The following GPR6 variants were observed in gnomAD, a reference collection of about 807,000 sequenced individuals.
GPR6 encodes the protein sphingosine 1-phosphate receptor GPR6.
In GPR6, 14 loss-of-function variants were observed where a neutral mutation model predicts 18.5. That is an observed-to-expected ratio of 0.76 (90% confidence interval 0.50 to 1.18). The LOEUF is 1.18. Among genes scored for constraint, GPR6 ranks in the 50% most tolerant of loss-of-function variants. The pLI, the probability that GPR6 is intolerant of heterozygous loss-of-function variation, is 0.00. For synonymous variants in GPR6, 299 were observed against 240.9 expected, an observed-to-expected ratio of 1.24 and a Z score of -2.23; for missense variants, 477 against 495.9, an observed-to-expected ratio of 0.96 and a Z score of 0.36.
rs1267048720 is a variant in GPR6, at chr6:109,979,990, T to C, written c.878T>C (p.Leu293Pro). 2 of 1,613,216 alleles carry C rather than the reference T, an allele frequency of 1.2e-6. No individual in the cohort carries two copies. Among genetic ancestry groups the C allele is most frequent in the Non-Finnish European group, 1.7e-6 (2 of 1,180,036 alleles). The stretch of plus-strand genomic sequence containing the variant: ...CTGGGCACTTTCGGCGCCAGCTGGC[T>C]GCCCTTCGCCATCTATTGCGTGGTG... Reference protein sequence around the residue: ...VVLGTFGASWLPFAIYCVVGS... With the variant: ...VVLGTFGASWPPFAIYCVVGS... The change falls in exon 2 of 2, where the codon CTG becomes CCG. Residue 293 changes from leucine to proline, a missense_variant. Coordinates refer to ENST00000275169, the MANE Select transcript of GPR6 (RefSeq NM_005284.5).
At chr6:109,978,735 T>C in intron 1 of GPR6, 2 of 1,535,508 alleles carry the variant, frequency 1.3e-6, no homozygotes, top group Non-Finnish European at 1.7e-6. Context: ...CATGGGGATG[T>C]CCTGGTCGCG....
Position 109,980,413 on chromosome 6 carries a change from C to T in GPR6, c.*212C>T. 2 of 620,478 alleles carry T rather than the reference C, an allele frequency of 3.2e-6. No individual in the cohort carries two copies. Among genetic ancestry groups the T allele is most frequent in the Non-Finnish European group, 5.6e-6 (2 of 360,178 alleles). 38.4% of individuals were successfully genotyped at this position (620,478 alleles called of 1,614,324 possible). A position where few individuals can be genotyped will look rare whatever the true frequency, so the allele number is the denominator to read the frequency against. On this transcript the variant is annotated 3_prime_UTR_variant, in exon 2 of 2. Transcript: ENST00000275169. ...GTGTATACATGTGTACATATATATA[C>T]AAATATTTGTATCTTCTGGAGGTGT...
rs138757671 is a variant in GPR6 at position 109,979,806 on chromosome 6, G to A, written c.694G>A (p.Ala232Thr). Residue 232 changes from alanine to threonine, a missense_variant, in exon 2 of 2, where the codon GCC (alanine) becomes ACC (threonine). Ala to Thr is a moderately conservative substitution (Grantham distance 58). Transcript: ENST00000275169. ...LARSHVALLS[A>T]AFFMVFGIML... The stretch of plus-strand genomic sequence containing the variant: ...GCGCAGCCACGTGGCTCTGCTCTCC[G>A]CCGCCTTCTTCATGGTCTTCGGCAT... The A allele has an allele frequency of 6.5e-5, 104 of 1,601,542 alleles. No individual in the cohort carries two copies. The highest frequency in any genetic ancestry group is 5.5e-4 in the African/African-American group (41 of 74,962).
At chr6:109,978,546 C>T (rs1770995376) in intron 1 of GPR6, 79 bp downstream of exon 1, 1 of 565,498 alleles carries the variant, frequency 1.8e-6, no homozygotes, top group African/African-American at 1.9e-5. Context: ...CAGGTCTTTC[C>T]AGAAGAGGAG....
chr6:109,979,794 G>T lies in GPR6; in HGVS notation c.682G>T (p.Ala228Ser), dbSNP rs372623486. The change falls in exon 2 of 2, where the codon GCT becomes TCT. Residue 228 changes from alanine to serine, a missense_variant. Coordinates refer to ENST00000275169, the MANE Select transcript of GPR6 (RefSeq NM_005284.5). Reference sequence around the variant, plus strand: ...GCGCCCGCTGGCGCGCAGCCACGTGGCTCTGCTCTCCGCCGCCTTCTTCAT... The same window carrying T: ...GCGCCCGCTGGCGCGCAGCCACGTGTCTCTGCTCTCCGCCGCCTTCTTCAT... ...VVRPLARSHV[A>S]LLSAAFFMVF... is the part of the protein sequence containing the mutation. 6.2e-7 allele frequency: 1 copy of T among 1,600,276 alleles called. No homozygotes were observed.
In GPR6 at chr6:109,979,865, G is replaced by T. The variant is rs200156893; in HGVS notation, c.753G>T (p.Val251=). ...ACCTGTACGTGCGCATCTGCCAGGT[G>T]GTCTGGCGCCACGCGCACCAGATCG... ...MLHLYVRICQ[V]VWRHAHQIAL... is the part of the protein sequence containing the mutation. The change falls in exon 2 of 2, where the codon GTG becomes GTT. Residue 251 remains valine (V), a synonymous_variant. Coordinates refer to ENST00000275169, the MANE Select transcript of GPR6 (RefSeq NM_005284.5). The T allele has an allele frequency of 1.3e-5, 21 of 1,609,680 alleles. No individual in the cohort carries two copies. The East Asian group carries it at 4.7e-4, about 36-fold the overall frequency.
chr6:109,979,506 C>T lies in GPR6; in HGVS notation c.394C>T (p.Gln132Ter). The T allele has an allele frequency of 6.2e-7, 1 of 1,613,390 alleles. No individual in the cohort carries two copies. The highest frequency in any genetic ancestry group is 8.5e-7 in the Non-Finnish European group (1 of 1,180,020). The part of the protein sequence containing the change: ...GCGLILHFVF[Q>*]YLVPSETVSL... Reference sequence around the variant, plus strand: ...TGGCCTCATCTTGCACTTTGTGTTCCAGTACTTGGTGCCCTCGGAGACTGT... The same window carrying T: ...TGGCCTCATCTTGCACTTTGTGTTCTAGTACTTGGTGCCCTCGGAGACTGT... Residue 132 changes from glutamine (Q) to a stop codon, truncating the protein, a stop_gained, in exon 2 of 2, where the codon CAG (glutamine) becomes TAG (stop). Transcript: ENST00000275169. LOFTEE classifies it high-confidence loss of function.
At position 109,980,159 on chromosome 6, in the gene GPR6, G is replaced by A. The variant is rs777295042; in HGVS notation, c.1047G>A (p.Gln349=). 2 of 1,614,240 alleles carry A rather than the reference G, an allele frequency of 1.2e-6. No homozygotes were observed. The highest frequency in any genetic ancestry group is 4.5e-5 in the East Asian group (2 of 44,876). ...GGCTCCTGCTCTGTGGCTGTTTCCA[G>A]TCCAAAGTGCCCTTTCGTTCCAGGT... ...ALWLLLCGCF[Q]SKVPFRSRSP... The change falls in exon 2 of 2, where the codon CAG becomes CAA. Residue 349 remains glutamine (Q), a synonymous_variant. Transcript: ENST00000275169.
Position 109,980,518 on chromosome 6 carries a change from CA to C in GPR6, c.*320del. 2 of 362,652 alleles carry C rather than the reference CA, an allele frequency of 5.5e-6. No individual in the cohort carries two copies. The highest frequency in any genetic ancestry group is 1.0e-5 in the Non-Finnish European group (2 of 192,664). 22.5% of individuals were successfully genotyped at this position (362,652 alleles called of 1,614,324 possible). A position where few individuals can be genotyped will look rare whatever the true frequency, so the allele number is the denominator to read the frequency against. On this transcript the variant is annotated 3_prime_UTR_variant, in exon 2 of 2. Transcript: ENST00000275169. ...TACTCAAATTGTACATCACGTTTGT[CA>C]AACGAAGACATTCCAATACTGCTTA...
In GPR6 at chr6:109,978,840, C is replaced by G. The variant is rs908706141; in HGVS notation, c.-18-255C>G. On this transcript the variant is annotated intron_variant, in intron 1 of 1. Transcript: ENST00000275169. ...ATACAGGCAGCCTTGGAGAATTGAT[C>G]CTTGTGCATGTGAGTGCATGTTGTC... 8 of 1,535,680 alleles carry G rather than the reference C, an allele frequency of 5.2e-6. No homozygotes were observed. The Admixed American group carries it at 1.4e-4, about 26-fold the overall frequency.
rs543805559 is a variant in GPR6, at chr6:109,979,879, C to A, written c.767C>A (p.Ala256Glu). The change falls in exon 2 of 2, where the codon GCG becomes GAG. Residue 256 changes from alanine to glutamate, a missense_variant. Ala to Glu is a moderately radical substitution (Grantham distance 107). Coordinates refer to ENST00000275169, the MANE Select transcript of GPR6 (RefSeq NM_005284.5). ...ATCTGCCAGGTGGTCTGGCGCCACG[C>A]GCACCAGATCGCGCTGCAGCAGCAC... ...VRICQVVWRH[A>E]HQIALQQHCL... 6.2e-7 allele frequency: 1 copy of A among 1,610,684 alleles called. No individual in the cohort carries two copies. The highest frequency in any genetic ancestry group is 1.7e-5 in the Admixed American group (1 of 60,002).
At position 109,979,815 on chromosome 6, in the gene GPR6, T is replaced by A. The variant is rs1397886625; in HGVS notation, c.703T>A (p.Phe235Ile). 6.2e-7 allele frequency: 1 copy of A among 1,604,304 alleles called. No homozygotes were observed. The highest frequency in any genetic ancestry group is 8.5e-7 in the Non-Finnish European group (1 of 1,178,988). The change falls in exon 2 of 2, where the codon TTC becomes ATC. Residue 235 changes from phenylalanine (F) to isoleucine (I), a missense_variant. Transcript: ENST00000275169. ...CGTGGCTCTGCTCTCCGCCGCCTTC[T>A]TCATGGTCTTCGGCATCATGCTGCA... ...SHVALLSAAFFMVFGIMLHLY... is the reference protein window; with the variant it reads ...SHVALLSAAFIMVFGIMLHLY...
At chr6:109,978,772 C>T in intron 1 of GPR6, 1 of 1,535,720 alleles carries the variant, frequency 6.5e-7, no homozygotes, top group Non-Finnish European at 8.7e-7. Flanking sequence ...GGGACTCTCC[C>T]AGGATGACAC....
rs368836387 is a variant in GPR6 at position 109,979,668 on chromosome 6, C to T, written c.556C>T (p.His186Tyr). The change falls in exon 2 of 2, where the codon CAC (histidine) becomes TAC (tyrosine). Residue 186 changes from histidine (H) to tyrosine (Y), a missense_variant. Physicochemically the swap from His to Tyr is moderately conservative, Grantham distance 83. Coordinates refer to ENST00000275169, the MANE Select transcript of GPR6 (RefSeq NM_005284.5). ...CTCGCGCCGGACCCTGTTGGGCGTG[C>T]ACCTCCTGCTTGCCGCCACTTGGAC... ...YYSRRTLLGV[H>Y]LLLAATWTVS... 3.4e-5 allele frequency: 54 copies of T among 1,611,250 alleles called. No homozygotes were observed. The highest frequency in any genetic ancestry group is 4.3e-5 in the Non-Finnish European group (51 of 1,179,936).
intron 1 of GPR6, 165 bp downstream of exon 1, chr6:109,978,632 C>T (rs1000054218): frequency 1.0e-5 from 10 of 966,146 alleles, no homozygotes; most frequent in Admixed American, 2.3e-5. Context: ...AGACCCCCTT[C>T]GCAGGGGTCT....
chr6:109,978,768 C>A, intron 1 of GPR6: 1 of 1,535,724 alleles, frequency 6.5e-7, no homozygotes, highest in Admixed American at 2.0e-5. Context: ...AGGCGGGACT[C>A]TCCCAGGATG....
chr6:109,978,747 C>T, intron 1 of GPR6: 1 of 1,535,654 alleles, frequency 6.5e-7, no homozygotes, highest in Non-Finnish European at 8.7e-7. Context: ...CTGGTCGCGC[C>T]GCCACAACCC....
At position 109,979,450 on chromosome 6, in the gene GPR6, G is replaced by A; in HGVS notation, c.338G>A (p.Ser113Asn). 6.2e-7 allele frequency: 1 copy of A among 1,613,272 alleles called. No homozygotes were observed. Among genetic ancestry groups the A allele is most frequent in the Non-Finnish European group, 8.5e-7 (1 of 1,179,998 alleles). Residue 113 changes from serine to asparagine, a missense_variant, in exon 2 of 2, where the codon AGC becomes AAC. Transcript: ENST00000275169. ...LRTPMFVLVG[S>N]LATADLLAGC... The stretch of plus-strand genomic sequence containing the variant: ...ACGCCCATGTTCGTGCTGGTAGGCA[G>A]CCTGGCCACCGCTGACCTGTTGGCG...
chr6:109,979,544 G>T lies in GPR6; in HGVS notation c.432G>T (p.Thr144=), dbSNP rs540381209. The T allele has an allele frequency of 5.0e-6, 8 of 1,612,948 alleles. No individual in the cohort carries two copies. The Admixed American group carries it at 6.7e-5, about 13-fold the overall frequency. The change falls in exon 2 of 2, where the codon ACG becomes ACT. Residue 144 remains threonine, a synonymous_variant. Transcript: ENST00000275169. ...LVPSETVSLL[T]VGFLVASFAA... is the part of the protein sequence containing the mutation. ...CCTCGGAGACTGTGAGTCTGCTCACGGTGGGCTTCCTCGTGGCCTCCTTCG... is the reference window on the plus strand; with the variant it reads ...CCTCGGAGACTGTGAGTCTGCTCACTGTGGGCTTCCTCGTGGCCTCCTTCG...
Sources: gnomAD v4.1 joint callset for allele counts on GRCh38, gnomAD v4.1.1 for gene constraint, MANE v1.5 for transcripts, NCBI Gene and HGNC (gene_info 2026-07-23, HGNC 2026-07-21) for gene names.